The following PLCH1 variants were observed in gnomAD, a reference collection of about 807,000 sequenced individuals.
The protein encoded by PLCH1 is 1-phosphatidylinositol 4,5-bisphosphate phosphodiesterase eta-1.
Under a neutral mutation model 126.7 loss-of-function variants are expected in PLCH1, and 60 were observed. That is an observed-to-expected ratio of 0.47 (90% CI 0.38 to 0.59). The LOEUF (loss-of-function observed/expected upper bound fraction) is 0.59, where lower values mean the gene tolerates loss of function less well. Ranked by LOEUF, PLCH1 falls within the 20% of genes least tolerant of loss-of-function variation. The probability of loss-of-function intolerance (pLI) is 0.00; values close to 1 mark genes in which losing one functional copy is unlikely to be tolerated. For synonymous variants in PLCH1, 719 were observed against 734.9 expected (o/e 0.98, Z 0.35); for missense variants, 1,723 against 2,040.0 (o/e 0.84, Z 2.99).
chr3:155,458,200 G>A (rs976009683), intron 21 of PLCH1, among the ~76,000 whole-genome samples: 3 of 151,614 alleles, frequency 2.0e-5, no homozygotes, highest in Admixed American at 1.3e-4. Context: ...AAATTAGTGG[G>A]GCGTAGTAGT....
intron 1 of PLCH1, among the ~76,000 whole-genome samples, chr3:155,724,303 T>C (rs959862343): frequency 5.3e-5 from 8 of 152,244 alleles, no homozygotes; most frequent in Non-Finnish European, 2.9e-5. Flanking sequence ...GTTGACTTTC[T>C]GTCTTAATGA....
Position 155,480,238 on chromosome 3 carries a change from T to C in PLCH1, c.*730A>G, listed in dbSNP as rs1178765931. On this transcript the variant is annotated 3_prime_UTR_variant, in exon 23 of 23. Transcript: ENST00000460012. Reference sequence around the variant, plus strand: ...TCAGAAAATTCAAAAGTACAACAGGTAGTTTGGCAACTCGCTTCTTGTTAC... The same window carrying C: ...TCAGAAAATTCAAAAGTACAACAGGCAGTTTGGCAACTCGCTTCTTGTTAC... 6.6e-6 allele frequency: 1 copy of C among 152,656 alleles called. No individual in the cohort carries two copies. Among genetic ancestry groups the C allele is most frequent in the Non-Finnish European group, 1.5e-5 (1 of 68,050 alleles). The allele number at this position is 152,656 out of a possible 1,614,324, so 9.5% of individuals were successfully genotyped here.
chr3:155,662,187 C>T (rs1336241480), intron 2 of PLCH1, among the ~76,000 whole-genome samples: 1 of 152,176 alleles, frequency 6.6e-6, no homozygotes, highest in East Asian at 1.9e-4. Context: ...GGCACGGTGG[C>T]TCTTGCCTAT....
downstream of PLCH1, among the ~76,000 whole-genome samples, chr3:155,478,239 G>A (rs575517325): frequency 3.9e-5 from 6 of 152,204 alleles, no homozygotes; most frequent in South Asian, 4.2e-4. Flanking sequence ...AGTTACATAG[G>A]CTGGGAAGTG....
chr3:155,567,192 T>C (rs1381124386), intron 7 of PLCH1, among the ~76,000 whole-genome samples: 1 of 151,844 alleles, frequency 6.6e-6, no homozygotes, highest in African/African-American at 2.4e-5. Context: ...CGTGCCTCAG[T>C]TTCCTGAGTA....
intron 1 of PLCH1, among the ~76,000 whole-genome samples, chr3:155,735,620 C>T (rs1486641635): frequency 1.2e-4 from 16 of 135,992 alleles, no homozygotes; most frequent in Non-Finnish European, 3.0e-5. Context: ...GGTGACAGAG[C>T]GAGACTCCAT....
chr3:155,664,509 C>T (rs1423601894), intron 2 of PLCH1, among the ~76,000 whole-genome samples: 1 of 152,222 alleles, frequency 6.6e-6, no homozygotes, highest in Non-Finnish European at 1.5e-5. Flanking sequence ...CTGTGGCAAT[C>T]ACTTTTGCAT....
chr3:155,488,747 A>G lies in PLCH1; in HGVS notation c.2452T>C (p.Leu818=). Residue 818 remains leucine (L), a synonymous_variant, in exon 20 of 23, where the codon TTG becomes CTG. Transcript: ENST00000460012. The part of the protein sequence containing the change: ...TFTVHMPEIA[L]VRFLVWDHDP... ...TGATCCCACACAAGGAACCGAACCA[A>G]AGCTATTTCTGGCATGTGTACTGTA... 1 of 1,613,986 alleles carries G rather than the reference A, an allele frequency of 6.2e-7. No homozygotes were observed. Among genetic ancestry groups the G allele is most frequent in the Non-Finnish European group, 8.5e-7 (1 of 1,179,878 alleles).
chr3:155,711,217 A>G (rs1245430369), intron 1 of PLCH1, among the ~76,000 whole-genome samples: 1 of 152,230 alleles, frequency 6.6e-6, no homozygotes, highest in Non-Finnish European at 1.5e-5. Context: ...AAATGGACTA[A>G]AAGTATAGCT....
At chr3:155,647,841 C>T (rs1375615266) in intron 2 of PLCH1, among the ~76,000 whole-genome samples, 1 of 152,138 alleles carries the variant, frequency 6.6e-6, no homozygotes, top group East Asian at 1.9e-4. Flanking sequence ...ATGCAGCACT[C>T]CCTAAGAATT....
intron 1 of PLCH1, among the ~76,000 whole-genome samples, chr3:155,732,653 G>A (rs1360038416): frequency 1.3e-5 from 2 of 151,994 alleles, no homozygotes; most frequent in African/African-American, 2.4e-5. Context: ...TGAGGCAGGC[G>A]AATCACCCGA....
chr3:155,531,755 G>T (rs1722715051), intron 10 of PLCH1, among the ~76,000 whole-genome samples: 1 of 152,210 alleles, frequency 6.6e-6, no homozygotes. Flanking sequence ...ATGTTATGGA[G>T]ATGGATTCTT....
At chr3:155,665,506 G>C (rs1219534609) in intron 2 of PLCH1, among the ~76,000 whole-genome samples, 4 of 152,186 alleles carry the variant, frequency 2.6e-5, no homozygotes, top group Non-Finnish European at 4.4e-5. Flanking sequence ...CAAGGTAGTG[G>C]AAGGAGAGGA....
intron 21 of PLCH1, among the ~76,000 whole-genome samples, chr3:155,472,082 C>T (rs141018880): frequency 6.6e-6 from 1 of 151,954 alleles, no homozygotes; most frequent in African/African-American, 2.4e-5. Flanking sequence ...GAAATCAGAG[C>T]AGAACTGAAG....
intron 2 of PLCH1, among the ~76,000 whole-genome samples, chr3:155,699,235 C>A (rs1303593705): frequency 6.6e-6 from 1 of 152,022 alleles, no homozygotes; most frequent in African/African-American, 2.4e-5. Context: ...ACTCCCACAC[C>A]CAGCTAATTT....
intron 4 of PLCH1, among the ~76,000 whole-genome samples, chr3:155,592,172 T>C (rs2108635446): frequency 8.9e-6 from 1 of 112,440 alleles, no homozygotes; most frequent in East Asian, 2.1e-4. Context: ...TCTTTTCTCT[T>C]TTAAAAAAAA....
intron 12 of PLCH1, 45 bp from the exon 13 acceptor site, chr3:155,504,671 T>C: frequency 7.3e-7 from 1 of 1,370,022 alleles, no homozygotes. Context: ...TTCTTTGCTT[T>C]TGTCTTTTTC....
chr3:155,589,655 G>A (rs1042321378), intron 4 of PLCH1, among the ~76,000 whole-genome samples: 20 of 152,038 alleles, frequency 1.3e-4, no homozygotes, highest in African/African-American at 4.3e-4. Flanking sequence ...GAAGGAGAAT[G>A]GTCTGATAGA....
At position 155,583,749 on chromosome 3, in the gene PLCH1, G is replaced by A. The variant is rs555267828; in HGVS notation, c.601-107C>T. The A allele has an allele frequency of 1.3e-4, 92 of 695,300 alleles. 1 individual carries two copies. The African/African-American group carries it at 1.6e-3, about 12-fold the overall frequency. 43.1% of individuals were successfully genotyped at this position (695,300 alleles called of 1,614,324 possible). On this transcript the variant is annotated intron_variant, in intron 5 of 22. Coordinates refer to ENST00000460012, the MANE Select transcript of PLCH1 (RefSeq NM_014996.4). Reference sequence around the variant, plus strand: ...AAGAGCTAGTACACAAATCCCAAGAGGTGAGCACACATTCTCTTCGAGCAC... The same window carrying A: ...AAGAGCTAGTACACAAATCCCAAGAAGTGAGCACACATTCTCTTCGAGCAC...
Sources: gnomAD v4.1 joint callset for allele counts (sites outside exome capture counted in the v4.1 genomes callset) on GRCh38, gnomAD v4.1.1 for gene constraint, MANE v1.5 for transcripts, NCBI Gene and HGNC (gene_info 2026-07-23, HGNC 2026-07-21) for gene names.